The following COL4A4 variants were observed in gnomAD, a reference collection of about 807,000 sequenced individuals.
The protein encoded by COL4A4 is collagen alpha-4(IV) chain.
COL4A4 carries 105 observed loss-of-function variants against 192.9 expected under a neutral mutation model. The observed-to-expected ratio is 0.54, with a 90% confidence interval of 0.46 to 0.64. The LOEUF is 0.64. Ranked by LOEUF, COL4A4 falls within the 30% of genes least tolerant of loss-of-function variation. The pLI is 0.00. For synonymous variants in COL4A4, 762 were observed against 769.9 expected, an observed-to-expected ratio of 0.99 and a Z score of 0.17; for missense variants, 1,967 against 2,169.3, an observed-to-expected ratio of 0.91 and a Z score of 1.85.
intron 24 of COL4A4, 71 bp from the exon 25 acceptor site, chr2:227,078,148 T>C (rs1214700669): frequency 6.6e-7 from 1 of 1,518,064 alleles, no homozygotes; most frequent in Non-Finnish European, 9.1e-7. Context: ...TCATTGTAGG[T>C]TACAGAAACA....
rs565070506 is a variant in COL4A4 at position 227,030,426 on chromosome 2, C to G, written c.3973+17G>C. On this transcript the variant is annotated intron_variant, in intron 41 of 47. Coordinates refer to ENST00000396625, the MANE Select transcript of COL4A4 (RefSeq NM_000092.5). ...ACCAAGTTATTCACATATTACTTAA[C>G]GGAACAACATTCATACCTTTCTGGC... The G allele has an allele frequency of 1.4e-5, 23 of 1,613,666 alleles. No homozygotes were observed. The highest frequency in any genetic ancestry group is 1.6e-5 in the Non-Finnish European group (19 of 1,179,606).
chr2:227,091,193 A>T (rs2059900874), intron 20 of COL4A4, among the ~76,000 whole-genome samples: 1 of 152,026 alleles, frequency 6.6e-6, no homozygotes, highest in African/African-American at 2.4e-5. Flanking sequence ...TCCCTGAAAC[A>T]TGAACAGCCT....
At chr2:227,148,346 G>T (rs1419514837) in intron 1 of COL4A4, among the ~76,000 whole-genome samples, 5 of 152,322 alleles carry the variant, frequency 3.3e-5, no homozygotes, top group Middle Eastern at 3.4e-3. Flanking sequence ...GTGCTGATAT[G>T]TGCTACAGCA....
rs531161419 is a variant in COL4A4, at chr2:227,051,109, T to A, written c.3018A>T (p.Arg1006Ser). The A allele has an allele frequency of 1.3e-4, 217 of 1,614,150 alleles. 2 individuals carry two copies. In the South Asian group the frequency reaches 2.1e-3, roughly 16 times the overall value. ...CTCTGTGAAATCCAGGTGGTCCGTA[T>A]CTTCCCGGCTCTCCTCTTCTCCCTT... ...GMQGRRGEPG[R>S]YGPPGFHRGE... The change falls in exon 33 of 48, where the codon AGA (arginine) becomes AGT (serine). Residue 1006 changes from arginine (R) to serine (S), a missense_variant. Coordinates refer to ENST00000396625, the MANE Select transcript of COL4A4 (RefSeq NM_000092.5).
At chr2:226,991,383 C>T in the COL4A4 span, among the ~76,000 whole-genome samples, 8 of 152,046 alleles carry the variant, frequency 5.3e-5, no homozygotes, top group Non-Finnish European at 8.8e-5. Flanking sequence ...GGTTTCACCA[C>T]GTTGGCCCGG....
chr2:226,974,966 C>A, the COL4A4 span, among the ~76,000 whole-genome samples: 2 of 152,202 alleles, frequency 1.3e-5, no homozygotes, highest in African/African-American at 4.8e-5. Flanking sequence ...AGGCCTAGTT[C>A]CACTGCTCTG....
chr2:227,160,791 G>T (rs1368338183), intron 1 of COL4A4, among the ~76,000 whole-genome samples: 1 of 152,222 alleles, frequency 6.6e-6, no homozygotes, highest in Non-Finnish European at 1.5e-5. Flanking sequence ...ATCCACAGAT[G>T]ATAGTGCAAG....
the COL4A4 span, among the ~76,000 whole-genome samples, chr2:226,985,811 A>G: frequency 1.3e-5 from 2 of 152,234 alleles, no homozygotes; most frequent in African/African-American, 4.8e-5. Context: ...CCAGACCACT[A>G]TATCCTACTC....
intron 23 of COL4A4, among the ~76,000 whole-genome samples, chr2:227,080,813 C>T (rs2059285797): frequency 6.6e-6 from 1 of 152,100 alleles, no homozygotes; most frequent in African/African-American, 2.4e-5. Flanking sequence ...CAGAATCTTC[C>T]CCTACCTGTG....
intron 23 of COL4A4, 96 bp from the exon 24 acceptor site, chr2:227,080,645 G>T: frequency 9.2e-7 from 1 of 1,091,038 alleles, no homozygotes; most frequent in Non-Finnish European, 1.4e-6. Context: ...CTTGATTCTG[G>T]GTTGGTAGTT....
intron 37 of COL4A4, among the ~76,000 whole-genome samples, chr2:227,034,535 G>T (rs1239382250): frequency 2.5e-4 from 38 of 150,528 alleles, no homozygotes; most frequent in Non-Finnish European, 5.0e-4. Flanking sequence ...CCACCCAGTA[G>T]CTGTTCTTTT....
chr2:226,994,997 TAGAGGGAAG>T, the COL4A4 span, among the ~76,000 whole-genome samples: 1 of 151,730 alleles, frequency 6.6e-6, no homozygotes, highest in Non-Finnish European at 1.5e-5. Context: ...GGCGGCACAT[TAGAGGGAAG>T]AAAAGGAGCA....
intron 4 of COL4A4, among the ~76,000 whole-genome samples, chr2:227,126,807 G>A (rs2062116691): frequency 6.6e-6 from 1 of 152,130 alleles, no homozygotes; most frequent in Non-Finnish European, 1.5e-5. Flanking sequence ...AGCATACAGA[G>A]AATAATTCTA....
In COL4A4 at chr2:227,164,151, G is replaced by T. The variant is rs1010803417; in HGVS notation, c.-246C>A. ...GCGGCCGCAAGTTGGAGGCGGGCTG[G>T]AGGCGGGGAACGCGGACCGCCGCGG... On this transcript the variant is annotated 5_prime_UTR_variant, in exon 1 of 48. Transcript: ENST00000396625. This position sits in a 1 kb window ranked among gnomAD's most constrained non-coding sequence, Gnocchi z 4.8. 1 of 152,528 alleles carries T rather than the reference G, an allele frequency of 6.6e-6. No individual in the cohort carries two copies. Among genetic ancestry groups the T allele is most frequent in the African/African-American group, 2.4e-5 (1 of 41,456 alleles). 9.4% of individuals were successfully genotyped at this position (152,528 alleles called of 1,614,324 possible).
At chr2:227,032,098 A>G (rs1050357541) in intron 39 of COL4A4, 43 bp from the exon 40 acceptor site, 2 of 1,613,864 alleles carry the variant, frequency 1.2e-6, no homozygotes, top group African/African-American at 1.3e-5. Flanking sequence ...TTGCATTTGG[A>G]AGGTTTTGGT....
At chr2:227,143,033 C>T (rs2063325940) in intron 3 of COL4A4, among the ~76,000 whole-genome samples, 1 of 150,866 alleles carries the variant, frequency 6.6e-6, no homozygotes, top group Admixed American at 6.6e-5. Flanking sequence ...CACACAGAGG[C>T]AGATGAGCAC....
intron 19 of COL4A4, among the ~76,000 whole-genome samples, chr2:227,095,803 G>C (rs1002631288): frequency 6.6e-6 from 1 of 152,218 alleles, no homozygotes; most frequent in African/African-American, 2.4e-5. Flanking sequence ...GCTGAGGCAG[G>C]AGAATCGCTT....
chr2:227,011,349 G>C lies in COL4A4; in HGVS notation c.4333+832C>G, dbSNP rs547496279. On this transcript the variant is annotated intron_variant, in intron 45 of 47. Coordinates refer to ENST00000396625, the MANE Select transcript of COL4A4 (RefSeq NM_000092.5). ...CCTGTGGACTGAATCAGGCCTGCTC[G>C]TGTGTTTTGACCTGTAAGGATTTTA... Among the ~76,000 whole-genome samples, 5 of 152,304 alleles carry C rather than the reference G, an allele frequency of 3.3e-5. No individual in the cohort carries two copies. In the East Asian group the frequency reaches 9.6e-4, roughly 29 times the overall value.
intron 4 of COL4A4, among the ~76,000 whole-genome samples, chr2:227,135,791 C>T (rs888163857): frequency 6.6e-5 from 10 of 152,038 alleles, no homozygotes; most frequent in African/African-American, 1.7e-4. Flanking sequence ...TACAGGCGCC[C>T]GCCACCATGC....
Sources: gnomAD v4.1 joint callset for allele counts (sites outside exome capture counted in the v4.1 genomes callset) on GRCh38, gnomAD v4.1.1 for gene constraint, Gnocchi (gnomAD v3.1) non-coding constraint, MANE v1.5 for transcripts, NCBI Gene and HGNC (gene_info 2026-07-23, HGNC 2026-07-21) for gene names.